Variants in MTFR1 observed in about 807,000 individuals in gnomAD.
MTFR1 encodes the protein mitochondrial fission regulator 1.
Under a neutral mutation model 38.8 loss-of-function variants are expected in MTFR1, and 28 were observed. That is an observed-to-expected ratio of 0.72 (90% CI 0.53 to 0.99). The LOEUF (loss-of-function observed/expected upper bound fraction) is 0.99. Among genes scored for constraint, MTFR1 ranks in the 50% least tolerant of loss-of-function variants. MTFR1 has a pLI of 0.00. For synonymous variants in MTFR1, 145 were observed against 137.0 expected (o/e 1.06, Z -0.41); for missense variants, 358 against 395.5 (o/e 0.91, Z 0.81).
chr8:65,771,884 C>CAAAAAAAAA (rs36101490), downstream of MTFR1, among the ~76,000 whole-genome samples: 8 of 55,746 alleles, frequency 1.4e-4, no homozygotes, highest in Admixed American at 2.4e-4. Flanking sequence ...CTCCATCTCT[C>CAAAAAAAAA]AAAAAAAAAA....
intron 3 of MTFR1, among the ~76,000 whole-genome samples, chr8:65,685,499 G>A (rs1805044748): frequency 1.3e-5 from 2 of 152,172 alleles, no homozygotes; most frequent in Admixed American, 1.3e-4. Context: ...TGCAAGGAGT[G>A]GTTTTTGGAA....
At chr8:65,672,218 CAGTT>C (rs747668475) in intron 2 of MTFR1, among the ~76,000 whole-genome samples, 7 of 152,208 alleles carry the variant, frequency 4.6e-5, no homozygotes, top group Non-Finnish European at 8.8e-5. Context: ...AAACTTTAAT[CAGTT>C]AGCTGAAAAT....
intron 1 of MTFR1, among the ~76,000 whole-genome samples, chr8:65,655,461 A>G (rs1370778686): frequency 6.6e-6 from 1 of 152,134 alleles, no homozygotes; most frequent in Non-Finnish European, 1.5e-5. Context: ...TGGTACTGGG[A>G]GTAGCAGTGT....
chr8:65,740,000 C>T (rs1807336745), intron 3 of MTFR1, among the ~76,000 whole-genome samples: 1 of 152,142 alleles, frequency 6.6e-6, no homozygotes, highest in African/African-American at 2.4e-5. Context: ...AACTGACTGC[C>T]CCAGAGCACA....
chr8:65,716,195 T>C (rs536110544), intron 2 of MTFR1, among the ~76,000 whole-genome samples: 1 of 150,504 alleles, frequency 6.6e-6, no homozygotes, highest in East Asian at 2.0e-4. Context: ...TTCCCACATA[T>C]ACATAATAAA....
At chr8:65,730,373 T>C (rs1806830345) in intron 3 of MTFR1, among the ~76,000 whole-genome samples, 1 of 150,598 alleles carries the variant, frequency 6.6e-6, no homozygotes, top group African/African-American at 2.4e-5. Flanking sequence ...AGAGACAGGG[T>C]TTCTCCATGT....
At chr8:65,659,766 A>C (rs1809361222) in intron 1 of MTFR1, among the ~76,000 whole-genome samples, 4 of 152,230 alleles carry the variant, frequency 2.6e-5, no homozygotes, top group Admixed American at 2.6e-4. Flanking sequence ...AAACCTTTGA[A>C]GATAAACTGA....
intron 3 of MTFR1, among the ~76,000 whole-genome samples, chr8:65,750,590 T>C (rs2128908257): frequency 6.6e-6 from 1 of 151,794 alleles, no homozygotes. Flanking sequence ...AAACATGAAT[T>C]AGCCTCATTT....
chr8:65,647,818 T>A (rs2129046620), intron 1 of MTFR1, among the ~76,000 whole-genome samples: 1 of 149,952 alleles, frequency 6.7e-6, no homozygotes, highest in South Asian at 2.1e-4. Context: ...AAAAAAAAAA[T>A]GACACTATAA....
chr8:65,746,846 T>C (rs1280319739), intron 3 of MTFR1, among the ~76,000 whole-genome samples: 1 of 152,190 alleles, frequency 6.6e-6, no homozygotes, highest in Non-Finnish European at 1.5e-5. Flanking sequence ...TTCTTCACTT[T>C]CATGTAATTG....
At chr8:65,674,317 T>C (rs1804651112) in intron 2 of MTFR1, among the ~76,000 whole-genome samples, 1 of 151,870 alleles carries the variant, frequency 6.6e-6, no homozygotes, top group African/African-American at 2.4e-5. Context: ...TTTTTTTTTT[T>C]TTAAAGAAAA....
In MTFR1 at chr8:65,727,389, G is replaced by T. The variant is rs1248483514; in HGVS notation, c.*48+7908G>T. The T allele has an allele frequency of 2.0e-5, 31 of 1,544,116 alleles. No individual in the cohort carries two copies. The Admixed American group carries it at 5.9e-4, about 29-fold the overall frequency. ...AGTAGTTTTGAATTAGCAGCCAATG[G>T]TAGTGGTGGTAATCTCCTCCCCCTT... On this transcript the variant is annotated intron_variant, in intron 3 of 3. Coordinates refer to the MTFR1 transcript ENST00000521247.
chr8:65,732,776 G>A (rs1163861308), intron 3 of MTFR1, among the ~76,000 whole-genome samples: 1 of 152,160 alleles, frequency 6.6e-6, no homozygotes, highest in Non-Finnish European at 1.5e-5. Context: ...GCCTCCCAAA[G>A]TATTGAGATT....
At position 65,707,085 on chromosome 8, in the gene MTFR1, C is replaced by G; in HGVS notation, c.593C>G (p.Ala198Gly). ...PPPPPPLPPPALGLHQSTSAV... is the reference protein window; with the variant it reads ...PPPPPPLPPPGLGLHQSTSAV... ...CCCCCACCGCCCCTGCCTCCCCCTG[C>G]ACTGGGGCTCCACCAAAGTACATCT... Residue 198 changes from alanine to glycine, a missense_variant, in exon 6 of 8, where the codon GCA (alanine) becomes GGA (glycine). Ala to Gly is a moderately conservative substitution (Grantham distance 60, BLOSUM62 0). Transcript: ENST00000262146. The G allele has an allele frequency of 6.2e-7, 1 of 1,612,530 alleles. No individual in the cohort carries two copies. Among genetic ancestry groups the G allele is most frequent in the South Asian group, 1.1e-5 (1 of 91,058 alleles).
chr8:65,741,364 TATAATA>T (rs1214956532), intron 3 of MTFR1, among the ~76,000 whole-genome samples: 3 of 152,296 alleles, frequency 2.0e-5, no homozygotes, highest in South Asian at 2.1e-4. Context: ...ATTGAAAATT[TATAATA>T]ATAATATTTA....
At chr8:65,692,574 A>G (rs879681712) in intron 3 of MTFR1, among the ~76,000 whole-genome samples, 3 of 151,954 alleles carry the variant, frequency 2.0e-5, no homozygotes, top group African/African-American at 7.2e-5. Context: ...TCCTGACCTC[A>G]AGTGATCCGC....
chr8:65,703,437 T>G (rs1428601641), intron 4 of MTFR1, among the ~76,000 whole-genome samples: 4,821 of 128,100 alleles, frequency 0.038, 127 homozygotes, highest in Non-Finnish European at 0.058. Flanking sequence ...TTTTTTTTTT[T>G]TTTTTTTTTT....
chr8:65,664,836 C>T (rs1804328737), intron 1 of MTFR1, among the ~76,000 whole-genome samples: 1 of 151,876 alleles, frequency 6.6e-6, no homozygotes. Flanking sequence ...GATCTGCCCA[C>T]CTTGGCTTCC....
chr8:65,742,561 G>A (rs1807491001), intron 3 of MTFR1, among the ~76,000 whole-genome samples: 2 of 152,102 alleles, frequency 1.3e-5, no homozygotes, highest in Non-Finnish European at 2.9e-5. Context: ...ACACAAGAAA[G>A]CACTGGATCA....
Sources: allele counts gnomAD v4.1 joint callset (sites outside exome capture counted in the v4.1 genomes callset), GRCh38; gene constraint gnomAD v4.1.1; transcripts MANE v1.5; gene names NCBI Gene and HGNC (gene_info 2026-07-23, HGNC 2026-07-21).